The following STAB2 variants were observed in gnomAD, a reference collection of about 807,000 sequenced individuals.
STAB2 encodes stabilin 2, also known as stabilin-2.
STAB2 carries 288 observed loss-of-function variants against 338.1 expected under a neutral mutation model. The ratio of observed to expected loss-of-function variants is 0.85; its 90% confidence interval spans 0.77 to 0.94. The LOEUF is 0.94. Among genes scored for constraint, STAB2 ranks in the 40% least tolerant of loss-of-function variants. The probability of loss-of-function intolerance (pLI) is 0.00; values close to 1 mark genes in which losing one functional copy is unlikely to be tolerated. For missense variants in STAB2, 3,141 were observed against 3,210.1 expected, an observed-to-expected ratio of 0.98 and a Z score of 0.52; for synonymous variants, 1,202 against 1,193.3, an observed-to-expected ratio of 1.01 and a Z score of -0.15.
At position 103,654,701 on chromosome 12, in the gene STAB2, G is replaced by A. The variant is rs1308194758; in HGVS notation, c.1551+3G>A. The A allele has an allele frequency of 6.2e-7, 1 of 1,612,840 alleles. No homozygotes were observed. Among genetic ancestry groups the A allele is most frequent in the South Asian group, 1.1e-5 (1 of 90,750 alleles). On this transcript the variant is annotated splice_donor_region_variant and intron_variant, in intron 13 of 68. Transcript: ENST00000388887. ...CCACATTTGAGAGCAACAATGAGGTGAGTATTCAGATAAAAGTCACATCAG... is the reference window on the plus strand; with the variant it reads ...CCACATTTGAGAGCAACAATGAGGTAAGTATTCAGATAAAAGTCACATCAG...
chr12:103,655,354 T>G (rs777537383), intron 14 of STAB2, 47 bp downstream of exon 14: 11 of 1,605,234 alleles, frequency 6.9e-6, no homozygotes, highest in Non-Finnish European at 7.6e-6. Flanking sequence ...GTCAAGACTT[T>G]TGTAAAATTA....
At position 103,731,606 on chromosome 12, in the gene STAB2, G is replaced by A. The variant is rs752254735; in HGVS notation, c.5254G>A (p.Gly1752Ser). Residue 1752 changes from glycine (G) to serine (S), a missense_variant, in exon 50 of 69, where the codon GGC becomes AGC. Transcript: ENST00000388887. The part of the protein sequence containing the change: ...QNLTTLATNN[G>S]YIKFSNLIQD... ...TCTTACGACTTTGGCAACAAACAAT[G>A]GCTACATCAAATTTAGCAACTTAAT... 22 of 1,613,646 alleles carry A rather than the reference G, an allele frequency of 1.4e-5. No homozygotes were observed. The highest frequency in any genetic ancestry group is 3.3e-4 in the Middle Eastern group (2 of 6,084).
intron 34 of STAB2, among the ~76,000 whole-genome samples, chr12:103,700,500 A>G (rs1878768626): frequency 1.3e-5 from 2 of 152,230 alleles, no homozygotes; most frequent in African/African-American, 4.8e-5. Context: ...TTGATTAAAG[A>G]ATAATCTAAC....
chr12:103,668,813 G>A (rs1233129342), intron 20 of STAB2, 84 bp downstream of exon 20: 19 of 1,205,860 alleles, frequency 1.6e-5, no homozygotes, highest in East Asian at 5.2e-5. Context: ...TAGGGTCCAC[G>A]TGGTCACAGG....
chr12:103,696,472 G>A (rs1014282086), intron 33 of STAB2, among the ~76,000 whole-genome samples: 14 of 152,106 alleles, frequency 9.2e-5, no homozygotes, highest in Non-Finnish European at 1.8e-4. Context: ...ACTGAATATC[G>A]GATAAATTAT....
At chr12:103,743,433 AT>A (rs1323385267) in intron 56 of STAB2, among the ~76,000 whole-genome samples, 1 of 152,242 alleles carries the variant, frequency 6.6e-6, no homozygotes, top group Non-Finnish European at 1.5e-5. Flanking sequence ...TATAAAGGAT[AT>A]AAAAGCAAAG....
intron 51 of STAB2, 34 bp from the exon 52 acceptor site, chr12:103,735,457 T>C: frequency 6.5e-7 from 1 of 1,531,658 alleles, no homozygotes; most frequent in East Asian, 2.3e-5. Context: ...CGGCCCAAAT[T>C]TGGGGCAGTC....
Position 103,640,152 on chromosome 12 carries a change from G to A in STAB2, c.936G>A (p.Gln312=), listed in dbSNP as rs769207192. The change falls in exon 9 of 69, where the codon CAG becomes CAA. Residue 312 remains glutamine (Q), a synonymous_variant. Coordinates refer to ENST00000388887, the MANE Select transcript of STAB2 (RefSeq NM_017564.10). ...QSHCECKEHY[Q]NFVPGVGCSM... Reference sequence around the variant, plus strand: ...ACTGCGAGTGTAAGGAGCATTACCAGAATTTCGTACCTGGAGTGGGGTGCA... The same window carrying A: ...ACTGCGAGTGTAAGGAGCATTACCAAAATTTCGTACCTGGAGTGGGGTGCA... 55 of 1,613,516 alleles carry A rather than the reference G, an allele frequency of 3.4e-5. No individual in the cohort carries two copies. The South Asian group carries it at 5.3e-4, about 15-fold the overall frequency.
intron 47 of STAB2, among the ~76,000 whole-genome samples, chr12:103,728,314 G>C (rs1881371455): frequency 6.6e-6 from 1 of 151,850 alleles, no homozygotes; most frequent in African/African-American, 2.4e-5. Flanking sequence ...TTTACCATGT[G>C]GGCCAGGCTG....
chr12:103,692,855 C>A lies in STAB2; in HGVS notation c.3341C>A (p.Ala1114Glu). 1 of 1,613,588 alleles carries A rather than the reference C, an allele frequency of 6.2e-7. No individual in the cohort carries two copies. The change falls in exon 31 of 69, where the codon GCA becomes GAA. Residue 1114 changes from alanine (A) to glutamate (E), a missense_variant. Coordinates refer to ENST00000388887, the MANE Select transcript of STAB2 (RefSeq NM_017564.10). ...GCCTCCATTGTCGATGGGGACAACG[C>A]AGCCACAAATGGAGTGATACACATC... is the stretch of plus-strand genomic sequence containing the variant. Reference protein sequence around the residue: ...EGASIVDGDNAATNGVIHIIN... With the variant: ...EGASIVDGDNEATNGVIHIIN...
chr12:103,588,509 C>A (rs139037990), intron 1 of STAB2, among the ~76,000 whole-genome samples: 406 of 151,230 alleles, frequency 2.7e-3, no homozygotes, highest in African/African-American at 9.4e-3. Context: ...TCTTAATCAC[C>A]ATCATCATCA....
At chr12:103,652,410 G>A (rs1873809871) in intron 11 of STAB2, 146 bp from the exon 12 acceptor site, 2 of 611,038 alleles carry the variant, frequency 3.3e-6, no homozygotes, top group South Asian at 2.9e-5. Flanking sequence ...AATTGTCAGT[G>A]CTTTCATGCA....
intron 2 of STAB2, among the ~76,000 whole-genome samples, chr12:103,593,180 A>T (rs1245076461): frequency 6.6e-6 from 1 of 152,158 alleles, no homozygotes; most frequent in Non-Finnish European, 1.5e-5. Flanking sequence ...TGGATATATA[A>T]CCAGAAGTAG....
At chr12:103,756,903 C>A (rs1348981932) in intron 63 of STAB2, among the ~76,000 whole-genome samples, 1 of 150,986 alleles carries the variant, frequency 6.6e-6, no homozygotes, top group Non-Finnish European at 1.5e-5. Flanking sequence ...GCCTGGCTTA[C>A]AACAGCATTT....
chr12:103,668,819 A>G, intron 20 of STAB2, 90 bp downstream of exon 20: 1 of 1,185,502 alleles, frequency 8.4e-7, no homozygotes, highest in South Asian at 1.6e-5. Context: ...CCACGTGGTC[A>G]CAGGTGGCCC....
chr12:103,636,981 G>T, intron 6 of STAB2, 130 bp from the exon 7 acceptor site: 1 of 977,382 alleles, frequency 1.0e-6, no homozygotes, highest in Non-Finnish European at 1.4e-6. Flanking sequence ...TTAACTTAAC[G>T]TGTTCTGTAT....
intron 9 of STAB2, among the ~76,000 whole-genome samples, chr12:103,648,037 T>C (rs1873460127): frequency 6.6e-6 from 1 of 152,224 alleles, no homozygotes; most frequent in Non-Finnish European, 1.5e-5. Flanking sequence ...TTACCCTCAC[T>C]CTTTTCTCAA....
chr12:103,766,140 G>A, intron 68 of STAB2, 146 bp from the exon 69 acceptor site: 1 of 1,105,616 alleles, frequency 9.0e-7, no homozygotes, highest in Non-Finnish European at 1.4e-6. Context: ...CCCAACACAA[G>A]GCAGCAGCAC....
intron 44 of STAB2, among the ~76,000 whole-genome samples, chr12:103,720,378 AG>A (rs1324597236): frequency 5.3e-5 from 8 of 152,232 alleles, no homozygotes; most frequent in Admixed American, 5.2e-4. Context: ...GGGGCCAGGC[AG>A]GGAATAATAT....
Sources: allele counts gnomAD v4.1 joint callset (sites outside exome capture counted in the v4.1 genomes callset), GRCh38; gene constraint gnomAD v4.1.1; transcripts MANE v1.5; gene names NCBI Gene and HGNC (gene_info 2026-07-23, HGNC 2026-07-21).